ATXN2: variants seen among roughly 807,000 people sequenced by gnomAD.
ATXN2 encodes the protein ataxin 2.
ATXN2 carries 37 observed loss-of-function variants against 138.6 expected under a neutral mutation model. The observed-to-expected ratio is 0.27, with a 90% CI of 0.21 to 0.35. The LOEUF is 0.35. Ranked by LOEUF, ATXN2 falls within the 10% of genes least tolerant of loss-of-function variation. The pLI, the probability that ATXN2 is intolerant of heterozygous loss-of-function variation, is 1.00. For missense variants in ATXN2, 1,216 were observed against 1,480.3 expected (o/e 0.82, Z 2.93); for synonymous variants, 549 against 543.7 (o/e 1.01, Z -0.13).
At chr12:111,506,165 A>C (rs1054211506) in intron 14 of ATXN2, among the ~76,000 whole-genome samples, 1 of 152,182 alleles carries the variant, frequency 6.6e-6, no homozygotes, top group African/African-American at 2.4e-5. Context: ...TAGAGACAGA[A>C]AGTAGATTAA....
rs1876372758 is a variant in ATXN2 at position 111,470,914 on chromosome 12, G to A, written c.2525-172C>T. The A allele has an allele frequency of 4.6e-6, 3 of 655,724 alleles. No homozygotes were observed. The East Asian group carries it at 8.4e-5, about 18-fold the overall frequency. The allele number at this position is 655,724 out of a possible 1,614,324, so 40.6% of individuals were successfully genotyped here. A position where few individuals can be genotyped will look rare whatever the true frequency, so the allele number is the denominator to read the frequency against. On this transcript the variant is annotated intron_variant, in intron 18 of 24. Coordinates refer to ENST00000673436, the MANE Select transcript of ATXN2 (RefSeq NM_001372574.1). Reference sequence around the variant, plus strand: ...GGTTATTTTCCTATCATGCATGCTAGTCCTCAGCCTCAAACACCAGTTCCC... The same window carrying A: ...GGTTATTTTCCTATCATGCATGCTAATCCTCAGCCTCAAACACCAGTTCCC...
At chr12:111,526,711 A>C (rs890155033) in intron 5 of ATXN2, among the ~76,000 whole-genome samples, 3 of 152,132 alleles carry the variant, frequency 2.0e-5, no homozygotes, top group African/African-American at 7.2e-5. Context: ...GGCCTAAAAT[A>C]TCTCTTTTGT....
At chr12:111,569,585 C>T (rs1883200784) in intron 1 of ATXN2, among the ~76,000 whole-genome samples, 1 of 152,094 alleles carries the variant, frequency 6.6e-6, no homozygotes, top group East Asian at 1.9e-4. Context: ...GGTGTGGTGG[C>T]TCATGCCTAC....
At chr12:111,549,550 A>G (rs2135782392) in intron 5 of ATXN2, among the ~76,000 whole-genome samples, 1 of 152,092 alleles carries the variant, frequency 6.6e-6, no homozygotes, top group South Asian at 2.1e-4. Flanking sequence ...TAAAAAAAAA[A>G]AGAAGGAAAC....
chr12:111,526,523 G>T (rs1880516708), intron 5 of ATXN2, among the ~76,000 whole-genome samples: 1 of 151,226 alleles, frequency 6.6e-6, no homozygotes, highest in Non-Finnish European at 1.5e-5. Flanking sequence ...TCCTGCCTCA[G>T]CCTCCCAAGT....
At chr12:111,474,563 C>T (rs1185703428) in intron 18 of ATXN2, among the ~76,000 whole-genome samples, 1 of 152,154 alleles carries the variant, frequency 6.6e-6, no homozygotes, top group Admixed American at 6.6e-5. Context: ...TATGATTGCA[C>T]TACTGCACTC....
At chr12:111,529,353 T>C (rs1021914899) in intron 5 of ATXN2, among the ~76,000 whole-genome samples, 12 of 152,030 alleles carry the variant, frequency 7.9e-5, no homozygotes, top group Non-Finnish European at 1.8e-4. Context: ...ACGTGACTAT[T>C]AGAAAAGTGT....
At chr12:111,575,892 G>GTGATGT (rs1259819950) in intron 1 of ATXN2, among the ~76,000 whole-genome samples, 3 of 151,892 alleles carry the variant, frequency 2.0e-5, no homozygotes, top group Admixed American at 6.6e-5. Flanking sequence ...GAACAGCCTG[G>GTGATGT]CCAAGATGGT....
rs201675110 is a variant in ATXN2, at chr12:111,572,026, A to G, written c.252-16107T>C. Reference sequence around the variant, plus strand: ...GACTCTGTCTCAAAAAAAAAAAAAAAGGGGCTTTTAAAATATGTAAAGAAA... The same window carrying G: ...GACTCTGTCTCAAAAAAAAAAAAAAGGGGGCTTTTAAAATATGTAAAGAAA... On this transcript the variant is annotated intron_variant, in intron 1 of 24. Transcript: ENST00000673436. 3.1e-3 allele frequency among the ~76,000 whole-genome samples: 466 copies of G among 148,954 alleles called. 5 individuals are homozygous for G. Among genetic ancestry groups the G allele is most frequent in the South Asian group, 7.7e-3 (36 of 4,704 alleles).
chr12:111,562,437 A>G (rs1280550366), intron 1 of ATXN2, among the ~76,000 whole-genome samples: 1 of 151,838 alleles, frequency 6.6e-6, no homozygotes, highest in South Asian at 2.1e-4. Context: ...AGAGAAAAAG[A>G]AGGCCTGGTG....
chr12:111,530,502 T>TA (rs1287394187), intron 5 of ATXN2, among the ~76,000 whole-genome samples: 1 of 152,140 alleles, frequency 6.6e-6, no homozygotes, highest in African/African-American at 2.4e-5. Flanking sequence ...GGTTCCAACA[T>TA]AGACTGGAGT....
chr12:111,486,996 T>C (rs1481519650), intron 15 of ATXN2, among the ~76,000 whole-genome samples, 172 bp from the exon 16 acceptor site: 3 of 152,084 alleles, frequency 2.0e-5, no homozygotes, highest in African/African-American at 7.2e-5. Context: ...CATTCCTTAA[T>C]CCCTTAAAGA....
chr12:111,453,977 C>G lies in ATXN2; in HGVS notation c.3271-132G>C. On this transcript the variant is annotated intron_variant, in intron 23 of 24. Coordinates refer to ENST00000673436, the MANE Select transcript of ATXN2 (RefSeq NM_001372574.1). The surrounding 1 kb of genome is among the most constrained non-coding windows in gnomAD (Gnocchi z 5.4). ...GGGCCTCAGGGCCCAGTTCTGTTCT[C>G]TGGGGACAATCTCTAGTAGATTATC... is the stretch of plus-strand genomic sequence containing the variant. The G allele has an allele frequency of 1.2e-6, 1 of 848,554 alleles. No homozygotes were observed. The highest frequency in any genetic ancestry group is 1.8e-5 in the South Asian group (1 of 55,192). The allele number at this position is 848,554 out of a possible 1,614,324, so 52.6% of individuals were successfully genotyped here. A position where few individuals can be genotyped will look rare whatever the true frequency, so the allele number is the denominator to read the frequency against.
intron 14 of ATXN2, among the ~76,000 whole-genome samples, chr12:111,496,832 A>T (rs1251646975): frequency 6.6e-6 from 1 of 151,990 alleles, no homozygotes; most frequent in Non-Finnish European, 1.5e-5. Flanking sequence ...CTAGAAAAGC[A>T]AGGACAAAAC....
In ATXN2 at chr12:111,508,441, C is replaced by CTTTT. The variant is rs66643315; in HGVS notation, c.1935+1104_1935+1107dup. The stretch of plus-strand genomic sequence containing the variant: ...AACTATTGTTTAACAAATTGAAAAA[C>CTTTT]TTTTTTTTTTTTTTTTTTTTTTTGA... On this transcript the variant is annotated intron_variant, in intron 14 of 24. Coordinates refer to ENST00000673436, the MANE Select transcript of ATXN2 (RefSeq NM_001372574.1). 2.4e-3 allele frequency among the ~76,000 whole-genome samples: 204 copies of CTTTT among 85,652 alleles called. 3 individuals are homozygous for CTTTT. Among genetic ancestry groups the CTTTT allele is most frequent in the East Asian group, 0.018 (39 of 2,200 alleles). The allele number at this position is 85,652 out of a possible 152,430, so 56.2% of individuals were successfully genotyped here. A position where few individuals can be genotyped will look rare whatever the true frequency, so the allele number is the denominator to read the frequency against.
chr12:111,578,412 CT>C (rs1883802596), intron 1 of ATXN2, among the ~76,000 whole-genome samples: 1 of 152,068 alleles, frequency 6.6e-6, no homozygotes, highest in African/African-American at 2.4e-5. Flanking sequence ...TTTTACTCAC[CT>C]TTTCTATGTT....
chr12:111,488,671 T>A lies in ATXN2; in HGVS notation c.2045A>T (p.Asp682Val). ...IKDKIEPSAK[D>V]SFIENSSSNC... ...GCTGCTGCTATTTTCAATGAAAGAA[T>A]CCTTAGCACTTGGTTCAATTTTGTC... Residue 682 changes from aspartate to valine, a missense_variant, in exon 15 of 25, where the codon GAT (aspartate) becomes GTT (valine). This residue lies in a region of ATXN2 where 490 missense variants were observed against 653.5 expected (regional missense o/e 0.75). Coordinates refer to ENST00000673436, the MANE Select transcript of ATXN2 (RefSeq NM_001372574.1). 1 of 1,613,948 alleles carries A rather than the reference T, an allele frequency of 6.2e-7. No individual in the cohort carries two copies. The highest frequency in any genetic ancestry group is 1.1e-5 in the South Asian group (1 of 91,054).
intron 3 of ATXN2, among the ~76,000 whole-genome samples, chr12:111,553,604 AT>A (rs745560171): frequency 5.9e-5 from 5 of 85,004 alleles, no homozygotes; most frequent in Non-Finnish European, 7.6e-5. Flanking sequence ...AAAAAAAAAA[AT>A]TTTTTTTTTT....
chr12:111,510,140 A>AGAGGG, intron 12 of ATXN2, 142 bp from the exon 13 acceptor site: 1 of 740,570 alleles, frequency 1.4e-6, no homozygotes, highest in Non-Finnish European at 2.1e-6. Context: ...TGCAGATGTC[A>AGAGGG]TATGAAACAC....
Sources: gnomAD v4.1 joint callset for allele counts (sites outside exome capture counted in the v4.1 genomes callset) on GRCh38, gnomAD v4.1.1 for gene constraint, gnomAD v4.1.1 regional missense constraint, Gnocchi (gnomAD v3.1) non-coding constraint, MANE v1.5 for transcripts, NCBI Gene and HGNC (gene_info 2026-07-23, HGNC 2026-07-21) for gene names.